The following CERS1 variants were observed in gnomAD, a reference collection of about 807,000 sequenced individuals.
CERS1 encodes the protein ceramide synthase 1.
In CERS1, 16 loss-of-function variants were observed where a neutral mutation model predicts 35.7. That is an observed-to-expected ratio of 0.45 (90% CI 0.30 to 0.68). CERS1 has a LOEUF of 0.68. Among genes scored for constraint, CERS1 ranks in the 30% least tolerant of loss-of-function variants. The pLI, the probability that CERS1 is intolerant of heterozygous loss-of-function variation, is 0.08. For missense variants in CERS1, 454 were observed against 453.9 expected (o/e 1.00, Z 0.00); for synonymous variants, 243 against 201.6 (o/e 1.21, Z -1.74).
rs2055963421 is a variant in CERS1 at position 18,871,181 on chromosome 19, CAG to C, written c.1011-564_1011-563del. 1.5e-4 allele frequency among the ~76,000 whole-genome samples: 23 copies of C among 151,650 alleles called. No individual in the cohort carries two copies. In the South Asian group the frequency reaches 4.8e-3, roughly 32 times the overall value. On this transcript the variant is annotated intron_variant, in intron 6 of 7. Transcript: ENST00000623882. ...CAATGGATCCTCCCACCTCAGCCTC[CAG>C]AGTAGCTGGGATTACAGGGGCACGC...
In CERS1 at chr19:18,896,087, C is replaced by T. The variant is rs998707880; in HGVS notation, c.-15G>A. 5 of 940,888 alleles carry T rather than the reference C, an allele frequency of 5.3e-6. No individual in the cohort carries two copies. In the African/African-American group the frequency reaches 9.0e-5, roughly 17 times the overall value. 58.3% of individuals were successfully genotyped at this position (940,888 alleles called of 1,614,324 possible). A position where few individuals can be genotyped will look rare whatever the true frequency, so the allele number is the denominator to read the frequency against. ...GCCGCCGCCATACCGCCCGCTCGCC[C>T]GCCGTGCCCGTCGCCTGCGCCCGCC... On this transcript the variant is annotated 5_prime_UTR_variant, in exon 1 of 8. Coordinates refer to ENST00000623882, the MANE Select transcript of CERS1 (RefSeq NM_021267.5). This position sits in a 1 kb window ranked among gnomAD's most constrained non-coding sequence, Gnocchi z 5.9.
intron 7 of CERS1, 30 bp downstream of exon 7, chr19:18,869,953 A>G: frequency 1.3e-6 from 2 of 1,558,674 alleles, no homozygotes; most frequent in Non-Finnish European, 1.7e-6. Context: ...GGCCTCCAGG[A>G]CCAGTGTCCC....
upstream of CERS1, among the ~76,000 whole-genome samples, chr19:18,896,921 A>AC (rs1311881874): frequency 1.6e-5 from 1 of 63,884 alleles, no homozygotes; most frequent in Admixed American, 2.0e-4. This position sits in a 1 kb window ranked among gnomAD's most constrained non-coding sequence, Gnocchi z 5.9. Context: ...ACCCTGGGGA[A>AC]CCCGGGGGGG....
rs2056622501 is a variant in CERS1, at chr19:18,896,116, G to A, written c.-44C>T. 2 of 782,892 alleles carry A rather than the reference G, an allele frequency of 2.6e-6. No individual in the cohort carries two copies. The highest frequency in any genetic ancestry group is 5.7e-5 in the South Asian group (1 of 17,684). The allele number at this position is 782,892 out of a possible 1,614,324, so 48.5% of individuals were successfully genotyped here. A position where few individuals can be genotyped will look rare whatever the true frequency, so the allele number is the denominator to read the frequency against. ...GTGCCCGTCGCCTGCGCCCGCCCGCGGTAGCCGACGGAGCCGCGCGCCCCG... is the reference window on the plus strand; with the variant it reads ...GTGCCCGTCGCCTGCGCCCGCCCGCAGTAGCCGACGGAGCCGCGCGCCCCG... On this transcript the variant is annotated 5_prime_UTR_variant, in exon 1 of 8. Coordinates refer to ENST00000623882, the MANE Select transcript of CERS1 (RefSeq NM_021267.5). This position sits in a 1 kb window ranked among gnomAD's most constrained non-coding sequence, Gnocchi z 5.9.
Position 18,868,801 on chromosome 19 carries a change from C to G in CERS1, c.*1184G>C. The G allele has an allele frequency of 1.4e-6, 2 of 1,457,438 alleles. No homozygotes were observed. The highest frequency in any genetic ancestry group is 1.8e-6 in the Non-Finnish European group (2 of 1,094,578). 90.3% of individuals were successfully genotyped at this position (1,457,438 alleles called of 1,614,324 possible). ...CCGGCGGCCCCCCGGACCCCGACAG[C>G]GCGACGGGCAGCGCGCACTGACCCT... is the stretch of plus-strand genomic sequence containing the variant. On this transcript the variant is annotated 3_prime_UTR_variant, in exon 8 of 8. Transcript: ENST00000623882.
At position 18,870,183 on chromosome 19, in the gene CERS1, G is replaced by A. The variant is rs950417647; in HGVS notation, c.*394C>T. 2 of 1,565,874 alleles carry A rather than the reference G, an allele frequency of 1.3e-6. No homozygotes were observed. Among genetic ancestry groups the A allele is most frequent in the East Asian group, 2.3e-5 (1 of 43,782 alleles). On this transcript the variant is annotated 3_prime_UTR_variant, in exon 7 of 8. Transcript: ENST00000623882. This position sits in a 1 kb window ranked among gnomAD's most constrained non-coding sequence, Gnocchi z 5.1. Reference sequence around the variant, plus strand: ...CTGGGGCTCATCGCGCAGTCCTAGAGCCTGGAGCAGGGCGGCGGCTGGGCC... The same window carrying A: ...CTGGGGCTCATCGCGCAGTCCTAGAACCTGGAGCAGGGCGGCGGCTGGGCC...
At chr19:18,891,039 G>A (rs371706833) in intron 2 of CERS1, among the ~76,000 whole-genome samples, 3 of 151,928 alleles carry the variant, frequency 2.0e-5, no homozygotes, top group East Asian at 1.9e-4. Context: ...CAGGAGAATC[G>A]CTTGAACCTG....
At chr19:18,886,127 C>A (rs77427834) in intron 2 of CERS1, among the ~76,000 whole-genome samples, 1 of 150,054 alleles carries the variant, frequency 6.7e-6, no homozygotes, top group Non-Finnish European at 1.5e-5. Flanking sequence ...ATGCTCTGGA[C>A]GGGCACGGTG....
Position 18,868,683 on chromosome 19 carries a change from T to C in CERS1, c.*1302A>G, listed in dbSNP as rs1243346241. On this transcript the variant is annotated 3_prime_UTR_variant, in exon 8 of 8. Transcript: ENST00000623882. ...CTGTTGTCAAAGAAGAGCACGGAGATGGGCGACAGGCGCGCGGGCACGCAG... is the reference window on the plus strand; with the variant it reads ...CTGTTGTCAAAGAAGAGCACGGAGACGGGCGACAGGCGCGCGGGCACGCAG... 1.3e-6 allele frequency: 2 copies of C among 1,568,788 alleles called. No homozygotes were observed. The highest frequency in any genetic ancestry group is 1.7e-6 in the Non-Finnish European group (2 of 1,156,952).
chr19:18,891,780 C>G (rs1247991036), intron 2 of CERS1, among the ~76,000 whole-genome samples: 1 of 151,808 alleles, frequency 6.6e-6, no homozygotes, highest in Non-Finnish European at 1.5e-5. Context: ...CATGTTGCCC[C>G]AGCTGCTCTT....
chr19:18,880,823 G>A (rs1452065192), intron 3 of CERS1, among the ~76,000 whole-genome samples: 2 of 151,960 alleles, frequency 1.3e-5, no homozygotes, highest in African/African-American at 4.8e-5. Flanking sequence ...TCAGCCCCCG[G>A]AGAAGCTGGG....
intron 4 of CERS1, among the ~76,000 whole-genome samples, 160 bp downstream of exon 4, chr19:18,880,114 C>T (rs2056165273): frequency 6.6e-6 from 1 of 151,348 alleles, no homozygotes; most frequent in Admixed American, 6.6e-5. Context: ...TAGCCCCGCC[C>T]CTTCAGTCCC....
intron 7 of CERS1, 54 bp from the exon 8 acceptor site, chr19:18,869,444 G>T: frequency 6.6e-7 from 1 of 1,516,316 alleles, no homozygotes; most frequent in South Asian, 1.2e-5. Context: ...GCCTGCCCAT[G>T]GGGTCTCGGT....
In CERS1 at chr19:18,895,753, C is replaced by A. The variant is rs1400318570; in HGVS notation, c.249+71G>T. On this transcript the variant is annotated intron_variant, in intron 1 of 7. Transcript: ENST00000623882. The surrounding 1 kb of genome is among the most constrained non-coding windows in gnomAD (Gnocchi z 6.4). Reference sequence around the variant, plus strand: ...GCGCTGGAAGAAAGGAACGCGCCGGCGGCCCCAGGTCCCCGGTCCCGGCTT... The same window carrying A: ...GCGCTGGAAGAAAGGAACGCGCCGGAGGCCCCAGGTCCCCGGTCCCGGCTT... 2.4e-5 allele frequency: 20 copies of A among 847,968 alleles called. No individual in the cohort carries two copies. The highest frequency in any genetic ancestry group is 3.7e-5 in the African/African-American group (2 of 53,366). 52.5% of individuals were successfully genotyped at this position (847,968 alleles called of 1,614,324 possible).
At chr19:18,883,613 G>C (rs1301065594) in intron 3 of CERS1, among the ~76,000 whole-genome samples, 1 of 152,190 alleles carries the variant, frequency 6.6e-6, no homozygotes, top group Non-Finnish European at 1.5e-5. Context: ...AAGCCGGGTG[G>C]GTTTTATGCA....
chr19:18,886,755 C>T (rs1405479433), intron 2 of CERS1, among the ~76,000 whole-genome samples: 2 of 152,156 alleles, frequency 1.3e-5, no homozygotes, highest in Non-Finnish European at 2.9e-5. Context: ...GCCCAGCTGC[C>T]TCCAGATGCC....
rs1490229196 is a variant in CERS1 at position 18,895,904 on chromosome 19, G to C, written c.169C>G (p.Pro57Ala). 96 of 1,252,280 alleles carry C rather than the reference G, an allele frequency of 7.7e-5. No individual in the cohort carries two copies. The highest frequency in any genetic ancestry group is 3.2e-4 in the Middle Eastern group (1 of 3,088). 77.6% of individuals were successfully genotyped at this position (1,252,280 alleles called of 1,614,324 possible). A position where few individuals can be genotyped will look rare whatever the true frequency, so the allele number is the denominator to read the frequency against. ...AGCGCCAGCAGCAGCAGCTCGGGCG[G>C]CGCCAGGTGCGCGTGCTCAGCCAGG... ...RGLAEHAHLA[P>A]PELLLLALGA... Residue 57 changes from proline (P) to alanine (A), a missense_variant, in exon 1 of 8, where the codon CCG becomes GCG. Pro to Ala is a conservative substitution (Grantham distance 27). Transcript: ENST00000623882. This position sits in a 1 kb window ranked among gnomAD's most constrained non-coding sequence, Gnocchi z 6.4.
intron 6 of CERS1, among the ~76,000 whole-genome samples, chr19:18,871,837 C>T (rs191048811): frequency 7.2e-5 from 11 of 152,310 alleles, no homozygotes; most frequent in African/African-American, 2.6e-4. Context: ...CCGTGAGTGG[C>T]GTTTCTTCAT....
intron 6 of CERS1, among the ~76,000 whole-genome samples, chr19:18,874,941 T>C (rs2056035426): frequency 6.6e-6 from 1 of 152,172 alleles, no homozygotes; most frequent in Non-Finnish European, 1.5e-5. Flanking sequence ...CCAATCCTGA[T>C]TGAATTTTCG....
Sources: allele counts gnomAD v4.1 joint callset (sites outside exome capture counted in the v4.1 genomes callset), GRCh38; gene constraint gnomAD v4.1.1; non-coding constraint Gnocchi (gnomAD v3.1); transcripts MANE v1.5; gene names NCBI Gene and HGNC (gene_info 2026-07-23, HGNC 2026-07-21).